The following EPB41L5 variants were observed in gnomAD, a reference collection of about 807,000 sequenced individuals.
EPB41L5 encodes band 4.1-like protein 5.
Under a neutral mutation model 106.6 loss-of-function variants are expected in EPB41L5, and 55 were observed. The ratio of observed to expected loss-of-function variants is 0.52; its 90% CI spans 0.42 to 0.65. The LOEUF is 0.65. Among genes scored for constraint, EPB41L5 ranks in the 30% least tolerant of loss-of-function variants. EPB41L5 has a pLI of 0.00. For missense variants in EPB41L5, 871 were observed against 882.1 expected (o/e 0.99, Z 0.16); for synonymous variants, 297 against 306.7 (o/e 0.97, Z 0.33).
At position 120,074,286 on chromosome 2, in the gene EPB41L5, C is replaced by G. The variant is rs551419594; in HGVS notation, c.407+108C>G. The G allele has an allele frequency of 5.3e-6, 4 of 757,370 alleles. No homozygotes were observed. The East Asian group carries it at 1.1e-4, about 22-fold the overall frequency. 46.9% of individuals were successfully genotyped at this position (757,370 alleles called of 1,614,324 possible). The stretch of plus-strand genomic sequence containing the variant: ...AGCTAATAAAATGGATTCCTGTCCC[C>G]TGGTAACAAGACCTCAAATAATAGA... On this transcript the variant is annotated intron_variant, in intron 5 of 24. Transcript: ENST00000263713.
At chr2:120,122,315 C>T (rs545674454) in intron 16 of EPB41L5, among the ~76,000 whole-genome samples, 9 of 152,216 alleles carry the variant, frequency 5.9e-5, no homozygotes, top group African/African-American at 2.2e-4. Flanking sequence ...TTAGGTCTAA[C>T]GTTTAAGTCT....
At chr2:120,030,881 A>T (rs1411161840) in intron 2 of EPB41L5, among the ~76,000 whole-genome samples, 3 of 149,458 alleles carry the variant, frequency 2.0e-5, no homozygotes, top group African/African-American at 7.4e-5. Context: ...TTATTAATTA[A>T]TTAATTTATT....
chr2:120,136,242 T>TA (rs923831155), intron 18 of EPB41L5, among the ~76,000 whole-genome samples: 5 of 145,594 alleles, frequency 3.4e-5, no homozygotes, highest in African/African-American at 1.3e-4. Flanking sequence ...TAACCTCAAA[T>TA]AAAAAAGCCT....
chr2:120,124,084 C>T (rs569738062), intron 16 of EPB41L5, among the ~76,000 whole-genome samples: 51 of 152,250 alleles, frequency 3.3e-4, no homozygotes, highest in African/African-American at 1.0e-3. Context: ...CCAGTGATGG[C>T]GTATGTGCAA....
chr2:120,160,896 G>C lies in EPB41L5; in HGVS notation c.1809G>C (p.Glu603Asp), dbSNP rs1487590973. The C allele has an allele frequency of 2.5e-6, 4 of 1,612,908 alleles. No homozygotes were observed. The highest frequency in any genetic ancestry group is 3.4e-6 in the Non-Finnish European group (4 of 1,178,964). The change falls in exon 21 of 25, where the codon GAG (glutamate) becomes GAC (aspartate). Residue 603 changes from glutamate to aspartate, a missense_variant. Glu to Asp is a conservative substitution (Grantham distance 45). Transcript: ENST00000263713. Reference protein sequence around the residue: ...DAATNSAVLNENNVPLPKESL... With the variant: ...DAATNSAVLNDNNVPLPKESL... ...TTCTTCCTAGTGCTGTGTTAAATGA[G>C]AATAATGTGCCCCTCCCCAAAGAGT...
intron 2 of EPB41L5, among the ~76,000 whole-genome samples, chr2:120,038,957 G>A (rs1377167898): frequency 6.6e-6 from 1 of 151,944 alleles, no homozygotes; most frequent in East Asian, 1.9e-4. Flanking sequence ...TAAACAGAAT[G>A]GTATTTATAT....
At chr2:120,024,552 G>A (rs1678177715) in intron 2 of EPB41L5, among the ~76,000 whole-genome samples, 1 of 152,052 alleles carries the variant, frequency 6.6e-6, no homozygotes, top group Admixed American at 6.5e-5. Context: ...TGCCTCCCAG[G>A]TTCATGCCAT....
rs917744295 is a variant in EPB41L5 at position 120,091,649 on chromosome 2, C to T, written c.1138C>T (p.Leu380=). 1.9e-6 allele frequency: 3 copies of T among 1,612,294 alleles called. No individual in the cohort carries two copies. In the South Asian group the frequency reaches 3.3e-5, roughly 18 times the overall value. Residue 380 remains leucine, a synonymous_variant, in exon 13 of 25, where the codon CTA becomes TTA. Transcript: ENST00000263713. The part of the protein sequence containing the change: ...RPSKRYSRRT[L]QMKACATKPE... Reference sequence around the variant, plus strand: ...CAGCAAACGATATTCTAGACGAACTCTACAAATGAAAGGTGAAGTGCAACC... The same window carrying T: ...CAGCAAACGATATTCTAGACGAACTTTACAAATGAAAGGTGAAGTGCAACC...
chr2:120,081,652 A>G (rs1262918941), intron 10 of EPB41L5, among the ~76,000 whole-genome samples: 1 of 152,040 alleles, frequency 6.6e-6, no homozygotes, highest in African/African-American at 2.4e-5. Context: ...GAAGAAAGTC[A>G]TTGTTAGCTT....
intron 2 of EPB41L5, among the ~76,000 whole-genome samples, chr2:120,026,847 G>A (rs1169744709): frequency 6.6e-6 from 1 of 152,072 alleles, no homozygotes; most frequent in Non-Finnish European, 1.5e-5. Context: ...ATCTGATAAG[G>A]AACTTGTATC....
chr2:120,167,976 C>G lies in EPB41L5; in HGVS notation c.2104C>G (p.Pro702Ala), dbSNP rs771347858. The G allele has an allele frequency of 1.4e-5, 22 of 1,613,942 alleles. No individual in the cohort carries two copies. The East Asian group carries it at 4.5e-4, about 33-fold the overall frequency. ...AGATGGAATCTCACTGATCTCTCCC[C>G]CAGCGCCATTCTTGGTAGATGCTGT... ...NKDGISLISP[P>A]APFLVDAVTS... is the part of the protein sequence containing the mutation. Residue 702 changes from proline to alanine, a missense_variant, in exon 24 of 25, where the codon CCA becomes GCA. Transcript: ENST00000263713.
At chr2:120,015,015 AT>A (rs1289744512) in intron 1 of EPB41L5, among the ~76,000 whole-genome samples, 32 of 146,426 alleles carry the variant, frequency 2.2e-4, no homozygotes, top group African/African-American at 2.8e-4. Flanking sequence ...CATTCATATT[AT>A]TTTTTTTTTC....
intron 14 of EPB41L5, among the ~76,000 whole-genome samples, chr2:120,093,954 G>C (rs1174014416): frequency 6.6e-6 from 1 of 152,006 alleles, no homozygotes; most frequent in Non-Finnish European, 1.5e-5. Context: ...GATCTGTTCA[G>C]ATTTTCTTTT....
intron 3 of EPB41L5, among the ~76,000 whole-genome samples, chr2:120,048,733 A>G (rs1354985322): frequency 6.6e-6 from 1 of 151,790 alleles, no homozygotes; most frequent in African/African-American, 2.4e-5. Context: ...AGTTCTTTTA[A>G]TTGTGATGTT....
At chr2:120,173,958 C>T (rs1208665785) in intron 24 of EPB41L5, among the ~76,000 whole-genome samples, 5 of 152,210 alleles carry the variant, frequency 3.3e-5, no homozygotes, top group Non-Finnish European at 5.9e-5. Flanking sequence ...GGATTGCAGG[C>T]GTGCGCCACC....
intron 3 of EPB41L5, among the ~76,000 whole-genome samples, chr2:120,067,894 G>T (rs1681555879): frequency 1.3e-5 from 2 of 152,108 alleles, no homozygotes; most frequent in Admixed American, 6.5e-5. Flanking sequence ...TCATTTATTT[G>T]GGAAAAGTGA....
intron 3 of EPB41L5, among the ~76,000 whole-genome samples, chr2:120,066,657 CT>C (rs1211982562): frequency 1.3e-5 from 2 of 152,154 alleles, no homozygotes; most frequent in Non-Finnish European, 2.9e-5. Flanking sequence ...TATCTACTGT[CT>C]AGTCAGATTG....
intron 16 of EPB41L5, among the ~76,000 whole-genome samples, chr2:120,114,858 T>C (rs577658582): frequency 2.6e-5 from 4 of 152,360 alleles, no homozygotes; most frequent in East Asian, 1.9e-4. Flanking sequence ...GATAAACTTA[T>C]CTAGTTTTTC....
At chr2:120,166,970 G>A (rs1269814139) in intron 22 of EPB41L5, among the ~76,000 whole-genome samples, 5 of 152,106 alleles carry the variant, frequency 3.3e-5, no homozygotes, top group Admixed American at 6.5e-5. Flanking sequence ...TGTTTTTATT[G>A]CGCTTTCTTC....
Sources: allele counts gnomAD v4.1 joint callset (sites outside exome capture counted in the v4.1 genomes callset), GRCh38; gene constraint gnomAD v4.1.1; transcripts MANE v1.5; gene names NCBI Gene and HGNC (gene_info 2026-07-23, HGNC 2026-07-21).